PRIMA1: variants seen among roughly 807,000 people sequenced by gnomAD.
The protein encoded by PRIMA1 is proline rich membrane anchor 1, also known as proline-rich membrane anchor 1.
Under a neutral mutation model 17.5 loss-of-function variants are expected in PRIMA1, and 7 were observed. The ratio of observed to expected loss-of-function variants is 0.40; its 90% CI spans 0.23 to 0.75. PRIMA1 has a LOEUF of 0.75. Ranked by LOEUF, PRIMA1 falls within the 30% of genes least tolerant of loss-of-function variation. The pLI, the probability that PRIMA1 is intolerant of heterozygous loss-of-function variation, is 0.37. For synonymous variants in PRIMA1, 97 were observed against 77.9 expected (o/e 1.25, Z -1.29); for missense variants, 200 against 201.8 (o/e 0.99, Z 0.05).
chr14:93,773,518 C>T (rs140861642), intron 3 of PRIMA1, among the ~76,000 whole-genome samples: 2 of 152,344 alleles, frequency 1.3e-5, no homozygotes, highest in African/African-American at 2.4e-5. Flanking sequence ...GCTCTCCAGG[C>T]GCTTCCGATA....
At position 93,721,489 on chromosome 14, in the gene PRIMA1, A is replaced by G; in HGVS notation, c.417T>C (p.Ala139=). Residue 139 remains alanine, a synonymous_variant, in exon 5 of 5, where the codon GCT becomes GCC. Coordinates refer to ENST00000393140, the MANE Select transcript of PRIMA1 (RefSeq NM_178013.4). ...CGTCTACTCCTTTGTTGCTCTGCGA[A>G]GCACTCATGGGATACTCAGCAACGC... ...GTSVAEYPMS[A]SQSNKGVDVN... The G allele has an allele frequency of 6.2e-7, 1 of 1,613,908 alleles. No individual in the cohort carries two copies. Among genetic ancestry groups the G allele is most frequent in the South Asian group, 1.1e-5 (1 of 91,054 alleles).
At chr14:93,786,939 GAC>G (rs1885541627) in intron 2 of PRIMA1, among the ~76,000 whole-genome samples, 1 of 152,206 alleles carries the variant, frequency 6.6e-6, no homozygotes, top group Non-Finnish European at 1.5e-5. Context: ...GCTGGTGAGG[GAC>G]AGAGCTGAAG....
chr14:93,788,205 C>A (rs1038402755), intron 1 of PRIMA1, among the ~76,000 whole-genome samples: 1 of 152,230 alleles, frequency 6.6e-6, no homozygotes, highest in South Asian at 2.1e-4. Context: ...CCTGCACCCT[C>A]GCTGACCCTG....
chr14:93,787,011 G>A (rs1885543444), intron 2 of PRIMA1, among the ~76,000 whole-genome samples: 1 of 142,942 alleles, frequency 7.0e-6, no homozygotes, highest in African/African-American at 2.7e-5. Flanking sequence ...TACCAGTGAC[G>A]ATGCGCATTC....
intron 3 of PRIMA1, among the ~76,000 whole-genome samples, chr14:93,755,776 G>A (rs2076286875): frequency 6.6e-6 from 1 of 152,020 alleles, no homozygotes; most frequent in South Asian, 2.1e-4. Flanking sequence ...TTGGACCTTG[G>A]CCCAAATCCA....
chr14:93,774,704 G>C (rs1030894272), intron 3 of PRIMA1, among the ~76,000 whole-genome samples: 2 of 152,078 alleles, frequency 1.3e-5, no homozygotes, highest in Admixed American at 1.3e-4. Context: ...TTGTAATTAC[G>C]TATCCCCTTC....
intron 4 of PRIMA1, among the ~76,000 whole-genome samples, chr14:93,731,953 G>A (rs2076117361): frequency 6.6e-6 from 1 of 152,234 alleles, no homozygotes; most frequent in Non-Finnish European, 1.5e-5. Context: ...GCAATAAGTG[G>A]TGCTTAGGCA....
intron 3 of PRIMA1, among the ~76,000 whole-genome samples, chr14:93,773,246 G>A (rs1566976720): frequency 1.3e-5 from 2 of 152,218 alleles, no homozygotes; most frequent in Non-Finnish European, 2.9e-5. Flanking sequence ...TCTGCAGGTA[G>A]GAATCCTATG....
intron 3 of PRIMA1, among the ~76,000 whole-genome samples, chr14:93,776,789 C>T (rs1885233381): frequency 6.6e-6 from 1 of 152,170 alleles, no homozygotes; most frequent in South Asian, 2.1e-4. Flanking sequence ...ACAAACTTTC[C>T]AATTACTTTA....
chr14:93,727,887 G>C (rs554685310), intron 4 of PRIMA1, among the ~76,000 whole-genome samples: 2 of 152,212 alleles, frequency 1.3e-5, no homozygotes, highest in African/African-American at 4.8e-5. Flanking sequence ...GTTTCCAGGA[G>C]AGACCTGCCC....
rs573674227 is a variant in PRIMA1 at position 93,787,778 on chromosome 14, C to G, written c.-31-29G>C. ...TCAGGAGAGCAAGGCTAGGGTCAGG[C>G]GGACACCGCGCAGGCACTTCCGCCG... is the stretch of plus-strand genomic sequence containing the variant. On this transcript the variant is annotated intron_variant, in intron 1 of 4. Transcript: ENST00000393140. The G allele has an allele frequency of 1.4e-5, 21 of 1,520,954 alleles. 1 individual carries two copies. The African/African-American group carries it at 2.2e-4, about 16-fold the overall frequency. The allele number at this position is 1,520,954 out of a possible 1,614,324, so 94.2% of individuals were successfully genotyped here.
intron 4 of PRIMA1, among the ~76,000 whole-genome samples, chr14:93,734,277 C>CG (rs777947446): frequency 5.0e-4 from 76 of 152,312 alleles, no homozygotes; most frequent in Non-Finnish European, 9.4e-4. Flanking sequence ...CCTGTGCCCC[C>CG]GGGAGGCCGA....
intron 3 of PRIMA1, among the ~76,000 whole-genome samples, chr14:93,753,487 ATGG>A (rs1259501126): frequency 6.6e-6 from 1 of 152,184 alleles, no homozygotes; most frequent in Non-Finnish European, 1.5e-5. Context: ...CTTCCAGGAA[ATGG>A]TGGCCTCTGG....
chr14:93,735,419 GC>G (rs1333918561), intron 4 of PRIMA1, among the ~76,000 whole-genome samples: 1 of 152,084 alleles, frequency 6.6e-6, no homozygotes, highest in East Asian at 1.9e-4. Context: ...CCTCTGCTCC[GC>G]TGCTTAAAAC....
At chr14:93,782,974 CA>C in intron 2 of PRIMA1, among the ~76,000 whole-genome samples, 1 of 152,266 alleles carries the variant, frequency 6.6e-6, no homozygotes, top group Non-Finnish European at 1.5e-5. Context: ...CTATGTTGAC[CA>C]GACTGGTCTC....
chr14:93,718,720 T>C lies in PRIMA1; in HGVS notation c.*2724A>G, dbSNP rs1019418219. ...TTTATATGTTTACACCTATTAGTCT[T>C]TCTTCCAAAACTTCCTTTAGAAGCT... On this transcript the variant is annotated 3_prime_UTR_variant, in exon 5 of 5. Coordinates refer to ENST00000393140, the MANE Select transcript of PRIMA1 (RefSeq NM_178013.4). 2.6e-5 allele frequency: 4 copies of C among 152,506 alleles called. No homozygotes were observed. The highest frequency in any genetic ancestry group is 9.7e-5 in the African/African-American group (4 of 41,380). The allele number at this position is 152,506 out of a possible 1,614,324, so 9.4% of individuals were successfully genotyped here.
intron 4 of PRIMA1, among the ~76,000 whole-genome samples, chr14:93,730,959 T>C (rs1595192099): frequency 1.3e-5 from 2 of 152,048 alleles, no homozygotes; most frequent in African/African-American, 4.8e-5. Flanking sequence ...AGGATGATTG[T>C]AGGGTGACAA....
At chr14:93,747,866 A>C (rs1304697416) in intron 3 of PRIMA1, among the ~76,000 whole-genome samples, 1 of 144,822 alleles carries the variant, frequency 6.9e-6, no homozygotes, top group African/African-American at 2.6e-5. Flanking sequence ...AGTGTGTGTG[A>C]GTGGGGACTG....
chr14:93,727,542 C>T (rs1402246528), intron 4 of PRIMA1, among the ~76,000 whole-genome samples: 4 of 152,112 alleles, frequency 2.6e-5, no homozygotes, highest in East Asian at 1.9e-4. Flanking sequence ...GCGGCCCAGA[C>T]GGTGTCCATC....
Sources: gnomAD v4.1 joint callset for allele counts (sites outside exome capture counted in the v4.1 genomes callset) on GRCh38, gnomAD v4.1.1 for gene constraint, MANE v1.5 for transcripts, NCBI Gene and HGNC (gene_info 2026-07-23, HGNC 2026-07-21) for gene names.